The following PRR5L variants were observed in gnomAD, a reference collection of about 807,000 sequenced individuals.
The protein encoded by PRR5L is proline-rich protein 5-like.
In PRR5L, 21 loss-of-function variants were observed where a neutral mutation model predicts 36.4. The observed-to-expected ratio is 0.58, with a 90% CI of 0.41 to 0.83. PRR5L has a LOEUF of 0.83. PRR5L is among the 40% of genes least tolerant of loss of function. PRR5L has a pLI of 0.00. For synonymous variants in PRR5L, 188 were observed against 197.0 expected, an observed-to-expected ratio of 0.95 and a Z score of 0.38; for missense variants, 381 against 473.3, an observed-to-expected ratio of 0.80 and a Z score of 1.81.
rs1168656443 is a variant in PRR5L, at chr11:36,464,501, T to C, written c.*1765T>C. 6.6e-6 allele frequency: 1 copy of C among 152,190 alleles called. No homozygotes were observed. Among genetic ancestry groups the C allele is most frequent in the African/African-American group, 2.4e-5 (1 of 41,462 alleles). The allele number at this position is 152,190 out of a possible 1,614,324, so 9.4% of individuals were successfully genotyped here. On this transcript the variant is annotated 3_prime_UTR_variant, in exon 9 of 9. Transcript: ENST00000530639. ...AGAGAAATGTCCAAAAGAGATCTGC[T>C]GATCTGCTGAGAGTTTCAAACAAAC... is the stretch of plus-strand genomic sequence containing the variant.
chr11:36,327,148 A>C (rs1277276381), intron 1 of PRR5L, among the ~76,000 whole-genome samples: 1 of 152,250 alleles, frequency 6.6e-6, no homozygotes, highest in African/African-American at 2.4e-5. Context: ...ACCTTCTTAC[A>C]TTCAGTAATT....
At chr11:36,408,490 C>T (rs1247443779) in intron 3 of PRR5L, among the ~76,000 whole-genome samples, 1 of 152,092 alleles carries the variant, frequency 6.6e-6, no homozygotes, top group African/African-American at 2.4e-5. Context: ...TAGCTAAATC[C>T]CCAGGCATCC....
chr11:36,297,395 G>A (rs1221849084), intron 1 of PRR5L: 1 of 152,160 alleles, frequency 6.6e-6, no homozygotes, highest in Non-Finnish European at 1.5e-5. Context: ...GAAGAAGATG[G>A]AATTGCTCAA....
rs182784806 is a variant in PRR5L, at chr11:36,441,250, C to T, written c.444+3774C>T. Among the ~76,000 whole-genome samples the T allele has an allele frequency of 5.6e-4, 85 of 152,278 alleles. 1 individual carries two copies. Among genetic ancestry groups the T allele is most frequent in the Non-Finnish European group, 7.6e-4 (52 of 68,028 alleles). ...ACTCAAGGCAAGTTCCTTGCACCTA[C>T]GAGCTTGTAAAATCAAGAATAAGTT... On this transcript the variant is annotated intron_variant, in intron 6 of 8. Transcript: ENST00000530639.
chr11:36,364,399 A>G (rs114089604), intron 1 of PRR5L, among the ~76,000 whole-genome samples: 1,687 of 152,230 alleles, frequency 0.011, 41 homozygotes, highest in African/African-American at 0.039. Context: ...AGATTTGGGG[A>G]TCAAATTGCC....
intron 5 of PRR5L, among the ~76,000 whole-genome samples, chr11:36,433,434 T>G (rs1858541553): frequency 6.6e-6 from 1 of 152,236 alleles, no homozygotes; most frequent in East Asian, 1.9e-4. Flanking sequence ...GATTCCCTTC[T>G]TATTTTAAGG....
At chr11:36,430,000 C>T (rs1858460255) in intron 4 of PRR5L, among the ~76,000 whole-genome samples, 1 of 152,034 alleles carries the variant, frequency 6.6e-6, no homozygotes, top group Non-Finnish European at 1.5e-5. Context: ...TCTTTATTGC[C>T]TGTGTGTTTC....
At chr11:36,300,828 G>C (rs1371432955) in intron 1 of PRR5L, 2 of 152,558 alleles carry the variant, frequency 1.3e-5, no homozygotes, top group Non-Finnish European at 2.9e-5. Context: ...GTGCAGAGCT[G>C]GGCTGGGCTG....
chr11:36,336,936 A>G (rs911352419), intron 1 of PRR5L, among the ~76,000 whole-genome samples: 1 of 152,116 alleles, frequency 6.6e-6, no homozygotes, highest in Non-Finnish European at 1.5e-5. Context: ...CTGAGCATCT[A>G]GCACTGTGTG....
At chr11:36,306,172 A>G (rs772265090) in intron 1 of PRR5L, among the ~76,000 whole-genome samples, 2 of 152,160 alleles carry the variant, frequency 1.3e-5, no homozygotes, top group African/African-American at 2.4e-5. Context: ...ATAGGTATAC[A>G]TGTGCCATGT....
intron 3 of PRR5L, among the ~76,000 whole-genome samples, chr11:36,405,808 C>G (rs954317946): frequency 6.6e-6 from 1 of 152,142 alleles, no homozygotes; most frequent in Non-Finnish European, 1.5e-5. Flanking sequence ...GCCCTCTTCC[C>G]GACTGGAAGA....
At chr11:36,369,988 T>A (rs1324283074) in intron 1 of PRR5L, among the ~76,000 whole-genome samples, 1 of 152,240 alleles carries the variant, frequency 6.6e-6, no homozygotes, top group African/African-American at 2.4e-5. Flanking sequence ...CTTCCATTGA[T>A]GCAAAAGGCC....
At chr11:36,350,938 TTA>T (rs1239078415) in intron 1 of PRR5L, among the ~76,000 whole-genome samples, 53 of 28,320 alleles carry the variant, frequency 1.9e-3, no homozygotes, top group Non-Finnish European at 2.3e-3. Context: ...ATTTATATAT[TTA>T]TATATATATA....
intron 1 of PRR5L, among the ~76,000 whole-genome samples, chr11:36,370,769 T>C (rs1220292694): frequency 6.6e-6 from 1 of 150,744 alleles, no homozygotes; most frequent in Non-Finnish European, 1.5e-5. Flanking sequence ...TAATCCCAGC[T>C]GCTTGGGAGG....
chr11:36,328,804 A>G (rs1296017734), intron 1 of PRR5L, among the ~76,000 whole-genome samples: 1 of 152,248 alleles, frequency 6.6e-6, no homozygotes, highest in Non-Finnish European at 1.5e-5. Context: ...AGGGATGTTC[A>G]GAAAAAATAC....
intron 1 of PRR5L, among the ~76,000 whole-genome samples, chr11:36,361,541 G>C (rs924458088): frequency 2.6e-5 from 4 of 151,940 alleles, no homozygotes; most frequent in African/African-American, 7.3e-5. Flanking sequence ...GACTTTAAAG[G>C]GTTACTGAGT....
At chr11:36,413,411 A>G (rs1858069484) in intron 3 of PRR5L, among the ~76,000 whole-genome samples, 1 of 152,200 alleles carries the variant, frequency 6.6e-6, no homozygotes, top group South Asian at 2.1e-4. Flanking sequence ...GCTTCTGGCC[A>G]TGCTGCGGTA....
At chr11:36,321,883 T>G (rs1411375209) in intron 1 of PRR5L, among the ~76,000 whole-genome samples, 1 of 152,186 alleles carries the variant, frequency 6.6e-6, no homozygotes, top group East Asian at 1.9e-4. Flanking sequence ...GGGCCTTCCC[T>G]CTGCAGGTGT....
At chr11:36,446,711 C>T (rs191964572) in intron 7 of PRR5L, among the ~76,000 whole-genome samples, 23 of 152,138 alleles carry the variant, frequency 1.5e-4, no homozygotes, top group Admixed American at 5.2e-4. Context: ...AAGTAGATGC[C>T]CTTTTCCCCT....
Sources: allele counts gnomAD v4.1 joint callset (sites outside exome capture counted in the v4.1 genomes callset), GRCh38; gene constraint gnomAD v4.1.1; transcripts MANE v1.5; gene names NCBI Gene and HGNC (gene_info 2026-07-23, HGNC 2026-07-21).